The following RABGAP1 variants were observed in gnomAD, a reference collection of about 807,000 sequenced individuals.
RABGAP1 encodes the protein rab GTPase-activating protein 1.
In RABGAP1, 23 loss-of-function variants were observed where a neutral mutation model predicts 137.6. The ratio of observed to expected loss-of-function variants is 0.17; its 90% CI spans 0.12 to 0.24. The LOEUF is 0.24. RABGAP1 is among the 10% of genes least tolerant of loss of function. The probability of loss-of-function intolerance (pLI) is 1.00; values close to 1 mark genes in which losing one functional copy is unlikely to be tolerated. For missense variants in RABGAP1, 906 were observed against 1,275.8 expected (o/e 0.71, Z 4.42); for synonymous variants, 451 against 450.7 (o/e 1.00, Z -0.01).
chr9:123,049,165 C>T (rs1182569669), intron 13 of RABGAP1, among the ~76,000 whole-genome samples: 2 of 149,036 alleles, frequency 1.3e-5, no homozygotes, highest in Non-Finnish European at 2.9e-5. Context: ...TATAATCATT[C>T]AGCTAATATA....
chr9:122,965,653 G>A (rs1835103889), intron 2 of RABGAP1, among the ~76,000 whole-genome samples: 1 of 152,234 alleles, frequency 6.6e-6, no homozygotes, highest in South Asian at 2.1e-4. Flanking sequence ...CAAAGTGCTA[G>A]GATTACAGGC....
chr9:123,063,424 T>C (rs1410435162), intron 13 of RABGAP1: 3 of 152,684 alleles, frequency 2.0e-5, no homozygotes, highest in Non-Finnish European at 4.4e-5. Context: ...GGTAAATACC[T>C]AGGAATGGAA....
intron 13 of RABGAP1, chr9:123,033,489 C>T (rs1412157925): frequency 6.6e-6 from 1 of 152,210 alleles, no homozygotes; most frequent in Non-Finnish European, 1.5e-5. Flanking sequence ...AATCGGGGCA[C>T]CTCTCTGACG....
intron 12 of RABGAP1, among the ~76,000 whole-genome samples, chr9:123,020,077 A>T (rs1274655224): frequency 1.3e-5 from 2 of 151,208 alleles, no homozygotes; most frequent in African/African-American, 4.9e-5. Context: ...GAAATAATTT[A>T]AAAATACTTA....
chr9:123,045,678 TTAATAGTAAGGC>T (rs996283303), intron 13 of RABGAP1, among the ~76,000 whole-genome samples: 12 of 152,078 alleles, frequency 7.9e-5, no homozygotes, highest in African/African-American at 2.9e-4. Flanking sequence ...GCATATTATG[TTAATAGTAAGGC>T]TTTTAAAGTT....
intron 13 of RABGAP1, among the ~76,000 whole-genome samples, chr9:123,041,800 T>C (rs1426457462): frequency 6.6e-6 from 1 of 152,166 alleles, no homozygotes; most frequent in African/African-American, 2.4e-5. Flanking sequence ...TACTTGGGAA[T>C]TGGATTGCTA....
Position 123,014,999 on chromosome 9 carries a change from A to T in RABGAP1, c.1550-544A>T, listed in dbSNP as rs117327820. On this transcript the variant is annotated intron_variant, in intron 11 of 25. Coordinates refer to ENST00000373647, the MANE Select transcript of RABGAP1 (RefSeq NM_012197.4). Reference sequence around the variant, plus strand: ...AGTTACCTCCCTTCGGGTCCTTCCCATGACACGTGGGATTATGGGAACTAC... The same window carrying T: ...AGTTACCTCCCTTCGGGTCCTTCCCTTGACACGTGGGATTATGGGAACTAC... Among the ~76,000 whole-genome samples the T allele has an allele frequency of 8.1e-4, 123 of 152,322 alleles. No homozygotes were observed. In the East Asian group the frequency reaches 0.019, roughly 23 times the overall value.
At chr9:123,086,549 T>G (rs2034872439) in intron 19 of RABGAP1, among the ~76,000 whole-genome samples, 1 of 152,206 alleles carries the variant, frequency 6.6e-6, no homozygotes. Context: ...TCAGCCTTTA[T>G]CTTGGAATTG....
At chr9:123,054,972 G>C (rs551573891) in intron 13 of RABGAP1, among the ~76,000 whole-genome samples, 1 of 152,212 alleles carries the variant, frequency 6.6e-6, no homozygotes, top group South Asian at 2.1e-4. Context: ...CCACCATAAA[G>C]TTTCTTTTCT....
chr9:123,091,249 G>A (rs2132217167), intron 21 of RABGAP1, among the ~76,000 whole-genome samples: 1 of 151,958 alleles, frequency 6.6e-6, no homozygotes, highest in East Asian at 1.9e-4. Flanking sequence ...TCCAGGGATG[G>A]GCTCAGGCTG....
chr9:123,085,809 C>T (rs982020387), intron 19 of RABGAP1, among the ~76,000 whole-genome samples: 3 of 152,312 alleles, frequency 2.0e-5, no homozygotes, highest in Non-Finnish European at 2.9e-5. Flanking sequence ...GGAGTTTGTA[C>T]GTTGGCACCT....
chr9:123,037,648 T>C (rs10985869), intron 13 of RABGAP1, among the ~76,000 whole-genome samples: 13,384 of 152,280 alleles, frequency 0.088, 1,711 homozygotes, highest in East Asian at 0.61. Flanking sequence ...ATTTTTAGTT[T>C]AGAAAATATG....
chr9:123,025,806 GTAA>G (rs1346959387), intron 13 of RABGAP1, among the ~76,000 whole-genome samples: 1 of 151,766 alleles, frequency 6.6e-6, no homozygotes, highest in African/African-American at 2.4e-5. Context: ...TTTCAGGTGT[GTAA>G]TAATATCAGC....
chr9:123,051,820 CT>C (rs2033489660), intron 13 of RABGAP1, among the ~76,000 whole-genome samples: 1 of 150,568 alleles, frequency 6.6e-6, no homozygotes, highest in Non-Finnish European at 1.5e-5. Context: ...GAGACGGAGC[CT>C]TGCTCTGTCA....
At chr9:123,085,609 A>G (rs146407476) in intron 19 of RABGAP1, among the ~76,000 whole-genome samples, 1 of 152,358 alleles carries the variant, frequency 6.6e-6, no homozygotes, top group Non-Finnish European at 1.5e-5. Context: ...GAATCAGTGA[A>G]CAGCGGGTAT....
At chr9:122,954,022 A>G (rs911490457) in intron 1 of RABGAP1, among the ~76,000 whole-genome samples, 2 of 152,194 alleles carry the variant, frequency 1.3e-5, no homozygotes, top group Non-Finnish European at 2.9e-5. Flanking sequence ...TATAGGTTCT[A>G]TGGAGTGCAG....
chr9:122,998,170 G>T (rs968714234), intron 9 of RABGAP1, among the ~76,000 whole-genome samples: 1 of 151,960 alleles, frequency 6.6e-6, no homozygotes, highest in African/African-American at 2.4e-5. Context: ...CACAATCTTG[G>T]CTCACTGCGG....
chr9:123,048,374 G>A (rs1178950898), intron 13 of RABGAP1, among the ~76,000 whole-genome samples: 1 of 152,134 alleles, frequency 6.6e-6, no homozygotes, highest in African/African-American at 2.4e-5. Context: ...GCATTTTCTT[G>A]GAAATAATCC....
chr9:122,934,076 C>CTT, the RABGAP1 span, among the ~76,000 whole-genome samples: 23 of 148,772 alleles, frequency 1.5e-4, no homozygotes, highest in Middle Eastern at 3.5e-3. Flanking sequence ...CTTTTCTTTT[C>CTT]TTTTCTTTTT....
Sources: gnomAD v4.1 joint callset for allele counts (sites outside exome capture counted in the v4.1 genomes callset) on GRCh38, gnomAD v4.1.1 for gene constraint, MANE v1.5 for transcripts, NCBI Gene and HGNC (gene_info 2026-07-23, HGNC 2026-07-21) for gene names.